FGF14: variants seen among roughly 807,000 people sequenced by gnomAD.
FGF14 encodes fibroblast growth factor 14, also known as fibroblast growth factor homologous factor 4.
FGF14 carries 5 observed loss-of-function variants against 25.5 expected under a neutral mutation model. The ratio of observed to expected loss-of-function variants is 0.20; its 90% confidence interval spans 0.10 to 0.41. The LOEUF (loss-of-function observed/expected upper bound fraction) is 0.41, where lower values mean the gene tolerates loss of function less well. FGF14 is among the 10% of genes least tolerant of loss of function. The pLI, the probability that FGF14 is intolerant of heterozygous loss-of-function variation, is 1.00. For synonymous variants in FGF14, 138 were observed against 118.3 expected, an observed-to-expected ratio of 1.17 and a Z score of -1.08; for missense variants, 222 against 320.1, an observed-to-expected ratio of 0.69 and a Z score of 2.34.
chr13:102,075,178 G>A (rs191113770), intron 1 of FGF14, among the ~76,000 whole-genome samples: 1 of 152,288 alleles, frequency 6.6e-6, no homozygotes, highest in East Asian at 1.9e-4. Context: ...TAAAAACTCT[G>A]AAGACTTCAC....
At chr13:102,312,141 T>C (rs1309829890) in intron 1 of FGF14, among the ~76,000 whole-genome samples, 1 of 151,970 alleles carries the variant, frequency 6.6e-6, no homozygotes, top group African/African-American at 2.4e-5. Context: ...TGTCTACGAT[T>C]TATGAAACCA....
chr13:101,978,284 G>A (rs539496803), intron 1 of FGF14, among the ~76,000 whole-genome samples: 1 of 152,134 alleles, frequency 6.6e-6, no homozygotes, highest in Non-Finnish European at 1.5e-5. Context: ...TATAATATGT[G>A]CAGAATGGTG....
At chr13:102,381,693 A>G (rs2058187285) in intron 1 of FGF14, among the ~76,000 whole-genome samples, 1 of 152,226 alleles carries the variant, frequency 6.6e-6, no homozygotes, top group East Asian at 1.9e-4. Flanking sequence ...TAATTTTTTA[A>G]AAGTTCTAAG....
intron 1 of FGF14, among the ~76,000 whole-genome samples, chr13:102,015,600 T>C (rs973845853): frequency 6.6e-6 from 1 of 152,198 alleles, no homozygotes; most frequent in Admixed American, 6.5e-5. Context: ...GACTAATCAT[T>C]ACACATTCCT....
At chr13:102,368,391 G>A (rs1298592911) in intron 1 of FGF14, among the ~76,000 whole-genome samples, 4 of 152,026 alleles carry the variant, frequency 2.6e-5, no homozygotes, top group Non-Finnish European at 2.9e-5. Context: ...CAAAATTAAA[G>A]GGAATGAAAT....
chr13:101,887,705 T>C (rs1303515136), intron 1 of FGF14, among the ~76,000 whole-genome samples: 1 of 152,158 alleles, frequency 6.6e-6, no homozygotes, highest in African/African-American at 2.4e-5. Flanking sequence ...AATAATTTAT[T>C]GTACATTTCA....
At position 101,716,791 on chromosome 13, in the gene FGF14, C is replaced by CAAAAAA. The variant is rs35542915; in HGVS notation, c.*6034_*6039dup. 1.4e-5 allele frequency: 2 copies of CAAAAAA among 141,236 alleles called. No individual in the cohort carries two copies. 8.7% of individuals were successfully genotyped at this position (141,236 alleles called of 1,614,324 possible). On this transcript the variant is annotated 3_prime_UTR_variant, in exon 5 of 5. Transcript: ENST00000376143. ...CCAATCTCAGAAGCTCACAAAAGAC[C>CAAAAAA]AAAAAAAAAAAAAAATCTAGAAATG... is the stretch of plus-strand genomic sequence containing the variant.
intron 1 of FGF14, among the ~76,000 whole-genome samples, chr13:102,152,459 C>G (rs546727137): frequency 1.6e-4 from 24 of 152,310 alleles, no homozygotes; most frequent in African/African-American, 5.3e-4. Context: ...CTGTGTGTGT[C>G]TGTGTCATGA....
At chr13:101,823,780 T>C (rs1239578560) in intron 3 of FGF14, among the ~76,000 whole-genome samples, 2 of 150,192 alleles carry the variant, frequency 1.3e-5, no homozygotes, top group Non-Finnish European at 3.0e-5. Flanking sequence ...AGATATACTA[T>C]GTATAGTATC....
rs973037638 is a variant in FGF14 at position 101,798,309 on chromosome 13, A to G, written c.408+70416T>C. Among the ~76,000 whole-genome samples, 3 of 152,220 alleles carry G rather than the reference A, an allele frequency of 2.0e-5. No homozygotes were observed. In the East Asian group the frequency reaches 5.8e-4, roughly 29 times the overall value. ...TTCCTGTCCTGTAAGTAAAACCAAC[A>G]AGGAAGGAGGTAAGAATTTGTTTTC... On this transcript the variant is annotated intron_variant, in intron 3 of 4. Coordinates refer to ENST00000376143, the MANE Select transcript of FGF14 (RefSeq NM_004115.4).
intron 1 of FGF14, among the ~76,000 whole-genome samples, chr13:102,147,388 T>C (rs2046897586): frequency 6.6e-6 from 1 of 152,226 alleles, no homozygotes; most frequent in African/African-American, 2.4e-5. Flanking sequence ...TATGTGTTCA[T>C]AGTGCAGGCC....
intron 1 of FGF14, among the ~76,000 whole-genome samples, chr13:102,135,430 T>C (rs757929108): frequency 6.6e-6 from 1 of 152,122 alleles, no homozygotes; most frequent in Non-Finnish European, 1.5e-5. Context: ...TACGAACAAA[T>C]AGCACATTTA....
chr13:101,906,265 T>C (rs1361981698), intron 1 of FGF14, among the ~76,000 whole-genome samples: 2 of 152,148 alleles, frequency 1.3e-5, no homozygotes, highest in African/African-American at 4.8e-5. Context: ...GAGGTAATTA[T>C]TGAACAATCT....
Position 101,720,712 on chromosome 13 carries a change from A to T in FGF14, c.*2119T>A, listed in dbSNP as rs2139645122. 6.6e-6 allele frequency: 1 copy of T among 151,846 alleles called. No individual in the cohort carries two copies. The highest frequency in any genetic ancestry group is 1.9e-4 in the East Asian group (1 of 5,170). 9.4% of individuals were successfully genotyped at this position (151,846 alleles called of 1,614,324 possible). A position where few individuals can be genotyped will look rare whatever the true frequency, so the allele number is the denominator to read the frequency against. ...TTTTCTGAAAATAATTGGTTAATGG[A>T]AGTTATCTAATATATTTTAACTGTT... is the stretch of plus-strand genomic sequence containing the variant. On this transcript the variant is annotated 3_prime_UTR_variant, in exon 5 of 5. Transcript: ENST00000376143.
intron 1 of FGF14, among the ~76,000 whole-genome samples, chr13:102,133,376 C>T (rs1394541593): frequency 1.3e-5 from 2 of 152,018 alleles, no homozygotes; most frequent in Non-Finnish European, 1.5e-5. Flanking sequence ...ATCAGACTTA[C>T]GAATGTCTTA....
chr13:102,132,520 T>C lies in FGF14; in HGVS notation c.209-257224A>G, dbSNP rs1028868505. On this transcript the variant is annotated intron_variant, in intron 1 of 4. Coordinates refer to the FGF14 transcript ENST00000376131. Reference sequence around the variant, plus strand: ...ATACTTTTCTTTCTTTCTTTCTTTTTTTTTTTTTTTGAGACAGAGTGCCCA... The same window carrying C: ...ATACTTTTCTTTCTTTCTTTCTTTTCTTTTTTTTTTGAGACAGAGTGCCCA... 7.0e-4 allele frequency among the ~76,000 whole-genome samples: 106 copies of C among 150,806 alleles called. 3 individuals are homozygous for C. The South Asian group carries it at 8.2e-3, about 12-fold the overall frequency.
intron 1 of FGF14, among the ~76,000 whole-genome samples, chr13:102,231,401 G>A (rs945787751): frequency 6.6e-6 from 1 of 152,158 alleles, no homozygotes; most frequent in Non-Finnish European, 1.5e-5. Context: ...CAGGAGGTGA[G>A]TTGGCTACAA....
Position 101,714,260 on chromosome 13 carries a change from T to C in FGF14, c.*8571A>G. The C allele has an allele frequency of 1.7e-6, 1 of 597,112 alleles. No individual in the cohort carries two copies. Among genetic ancestry groups the C allele is most frequent in the Non-Finnish European group, 3.0e-6 (1 of 334,014 alleles). 37.0% of individuals were successfully genotyped at this position (597,112 alleles called of 1,614,324 possible). A position where few individuals can be genotyped will look rare whatever the true frequency, so the allele number is the denominator to read the frequency against. On this transcript the variant is annotated 3_prime_UTR_variant, in exon 5 of 5. Coordinates refer to ENST00000376143, the MANE Select transcript of FGF14 (RefSeq NM_004115.4). ...GATCCATAATGAAGGCTTTCCTGGG[T>C]GACCTTTATGAATTACAGTAAGTAA... is the stretch of plus-strand genomic sequence containing the variant.
At chr13:101,774,374 CAG>C (rs1313436470) in intron 3 of FGF14, among the ~76,000 whole-genome samples, 1 of 152,092 alleles carries the variant, frequency 6.6e-6, no homozygotes, top group Non-Finnish European at 1.5e-5. Context: ...AGTCGAGATC[CAG>C]AGTCTTTCAC....
Sources: allele counts gnomAD v4.1 joint callset (sites outside exome capture counted in the v4.1 genomes callset), GRCh38; gene constraint gnomAD v4.1.1; transcripts MANE v1.5; gene names NCBI Gene and HGNC (gene_info 2026-07-23, HGNC 2026-07-21).